Variants in SLCO1B3 observed in about 807,000 individuals in gnomAD.
SLCO1B3 encodes the protein liver-specific organic anion transporter 2.
A neutral mutation model predicts 71.8 loss-of-function variants in SLCO1B3; 72 were observed. That is an observed-to-expected ratio of 1.00 (90% CI 0.83 to 1.22). SLCO1B3 has a LOEUF of 1.22. Among genes scored for constraint, SLCO1B3 ranks in the 50% most tolerant of loss-of-function variants. The pLI is 0.00. For missense variants in SLCO1B3, 911 were observed against 819.7 expected, an observed-to-expected ratio of 1.11 and a Z score of -1.36; for synonymous variants, 298 against 278.4, an observed-to-expected ratio of 1.07 and a Z score of -0.70.
At position 20,826,606 on chromosome 12, in the gene SLCO1B3, C is replaced by A. The variant is rs367963762; in HGVS notation, c.84+10784C>A. On this transcript the variant is annotated intron_variant, in intron 3 of 15. Transcript: ENST00000381545. The stretch of plus-strand genomic sequence containing the variant: ...CTTACAAACCTTATTACAATTTATA[C>A]AAATCATGTATGATATGCTTGGACT... 1.1e-3 allele frequency among the ~76,000 whole-genome samples: 163 copies of A among 151,008 alleles called. 4 individuals carry two copies. The South Asian group carries it at 0.033, about 31-fold the overall frequency.
chr12:20,887,181 A>G (rs1865807359), intron 13 of SLCO1B3, among the ~76,000 whole-genome samples: 1 of 152,102 alleles, frequency 6.6e-6, no homozygotes, highest in Non-Finnish European at 1.5e-5. Flanking sequence ...AGATAAGCAT[A>G]CAAGTCAGTT....
At chr12:20,827,332 A>G (rs1864443215) in intron 3 of SLCO1B3, among the ~76,000 whole-genome samples, 1 of 152,182 alleles carries the variant, frequency 6.6e-6, no homozygotes, top group African/African-American at 2.4e-5. Context: ...GGATTTTCTT[A>G]AGTCACATGA....
chr12:20,811,507 C>T (rs1293538743), intron 1 of SLCO1B3, among the ~76,000 whole-genome samples: 1 of 152,198 alleles, frequency 6.6e-6, no homozygotes, highest in African/African-American at 2.4e-5. Context: ...CTTTTATCCT[C>T]CTCAGTTCCA....
In SLCO1B3 at chr12:20,870,675, G is replaced by T. The variant is rs537106245; in HGVS notation, c.728-4560G>T. ...CTGGGCTCTGTATTCCATTCTGTTG[G>T]TCTACATATCTATCTTTATGCCAGT... is the stretch of plus-strand genomic sequence containing the variant. On this transcript the variant is annotated intron_variant, in intron 8 of 15. Coordinates refer to ENST00000381545, the MANE Select transcript of SLCO1B3 (RefSeq NM_019844.4). Among the ~76,000 whole-genome samples the T allele has an allele frequency of 2.3e-3, 354 of 152,196 alleles. 1 individual carries two copies. The highest frequency in any genetic ancestry group is 8.2e-3 in the African/African-American group (340 of 41,544).
chr12:20,890,103 G>A (rs909724999), intron 13 of SLCO1B3, among the ~76,000 whole-genome samples: 2 of 151,428 alleles, frequency 1.3e-5, no homozygotes, highest in Admixed American at 6.6e-5. Flanking sequence ...ATTTGTAATA[G>A]AGACGGGGTT....
At chr12:20,906,584 G>T (rs1866249864) in intron 15 of SLCO1B3, among the ~76,000 whole-genome samples, 1 of 152,232 alleles carries the variant, frequency 6.6e-6, no homozygotes, top group South Asian at 2.1e-4. Context: ...CTGTGTACCT[G>T]TTGGGCAGGG....
At chr12:20,818,515 G>A (rs1298954636) in intron 3 of SLCO1B3, among the ~76,000 whole-genome samples, 5 of 152,184 alleles carry the variant, frequency 3.3e-5, no homozygotes, top group Non-Finnish European at 7.3e-5. Flanking sequence ...GGTATGTTGA[G>A]TAAAGCTAAT....
intron 14 of SLCO1B3, among the ~76,000 whole-genome samples, chr12:20,900,916 T>C (rs1460367841): frequency 6.6e-6 from 1 of 152,200 alleles, no homozygotes; most frequent in African/African-American, 2.4e-5. Context: ...TTACAGCAGT[T>C]TAGATGAGAG....
chr12:20,813,983 A>T (rs1864148633), intron 2 of SLCO1B3, among the ~76,000 whole-genome samples: 1 of 152,180 alleles, frequency 6.6e-6, no homozygotes, highest in Admixed American at 6.5e-5. Flanking sequence ...TATAGATAAC[A>T]TTGATATTTA....
intron 15 of SLCO1B3, among the ~76,000 whole-genome samples, chr12:20,911,625 C>A (rs1299481323): frequency 1.3e-5 from 2 of 152,140 alleles, no homozygotes; most frequent in African/African-American, 4.8e-5. Context: ...AGATATAGAT[C>A]TATTCAGATA....
intron 3 of SLCO1B3, among the ~76,000 whole-genome samples, chr12:20,841,906 A>G (rs1225836197): frequency 2.2e-5 from 3 of 139,308 alleles, no homozygotes; most frequent in East Asian, 4.0e-4. Flanking sequence ...TTTTTTTGAG[A>G]CAGAGTCTCA....
intron 2 of SLCO1B3, among the ~76,000 whole-genome samples, chr12:20,815,423 TTTAC>T (rs1254296222): frequency 6.6e-6 from 1 of 152,158 alleles, no homozygotes; most frequent in African/African-American, 2.4e-5. Context: ...TTTTATATTA[TTTAC>T]TTGTTTCAAA....
At chr12:20,850,905 A>G (rs1865015566) in intron 3 of SLCO1B3, among the ~76,000 whole-genome samples, 1 of 152,186 alleles carries the variant, frequency 6.6e-6, no homozygotes, top group African/African-American at 2.4e-5. Flanking sequence ...TGGTTGAGCT[A>G]ATTTACACTT....
intron 3 of SLCO1B3, among the ~76,000 whole-genome samples, chr12:20,819,273 T>C (rs1864248754): frequency 6.6e-6 from 1 of 152,160 alleles, no homozygotes; most frequent in Admixed American, 6.5e-5. Flanking sequence ...TCGGACACGA[T>C]CATCAGGGAG....
At chr12:20,814,981 C>CTTTTTTTT (rs71039997) in intron 2 of SLCO1B3, among the ~76,000 whole-genome samples, 6 of 89,276 alleles carry the variant, frequency 6.7e-5, no homozygotes, top group Non-Finnish European at 1.2e-4. Flanking sequence ...CTTTTCTTTT[C>CTTTTTTTT]TTTTTTTTTT....
chr12:20,835,248 G>A (rs1023740777), intron 3 of SLCO1B3, among the ~76,000 whole-genome samples: 27 of 152,304 alleles, frequency 1.8e-4, no homozygotes, highest in Middle Eastern at 3.4e-3. Context: ...CTCCAGACCC[G>A]TGATGGGCGT....
At chr12:20,859,496 T>TCC (rs1565592106) in intron 5 of SLCO1B3, among the ~76,000 whole-genome samples, 1 of 146,958 alleles carries the variant, frequency 6.8e-6, no homozygotes, top group South Asian at 2.2e-4. Flanking sequence ...TTTTTCCCCC[T>TCC]CTACATTTGG....
At chr12:20,835,320 C>T (rs946093506) in intron 3 of SLCO1B3, among the ~76,000 whole-genome samples, 6 of 152,184 alleles carry the variant, frequency 3.9e-5, no homozygotes, top group East Asian at 3.9e-4. Flanking sequence ...TGGCAATTAA[C>T]ATTTGTCTCC....
Position 20,880,930 on chromosome 12 carries a change from G to A in SLCO1B3, c.1407G>A (p.Gln469=), listed in dbSNP as rs1233120981. The A allele has an allele frequency of 2.5e-6, 4 of 1,611,818 alleles. No homozygotes were observed. Among genetic ancestry groups the A allele is most frequent in the Middle Eastern group, 3.3e-4 (2 of 6,056 alleles). The change falls in exon 12 of 16, where the codon CAG becomes CAA. Residue 469 remains glutamine (Q), a synonymous_variant. Transcript: ENST00000381545. ...CAGAGTGCAATTGTGATGAAAGTCA[G>A]TGGGAACCAGTCTGTGGGAACAATG... ...CNSECNCDES[Q]WEPVCGNNGI... is the part of the protein sequence containing the mutation.
Sources: gnomAD v4.1 joint callset for allele counts (sites outside exome capture counted in the v4.1 genomes callset) on GRCh38, gnomAD v4.1.1 for gene constraint, MANE v1.5 for transcripts, NCBI Gene and HGNC (gene_info 2026-07-23, HGNC 2026-07-21) for gene names.